MAP3K2: variants seen among roughly 807,000 people sequenced by gnomAD.
MAP3K2 encodes mitogen-activated protein kinase kinase kinase 2.
MAP3K2 carries 24 observed loss-of-function variants against 80.3 expected under a neutral mutation model. The ratio of observed to expected loss-of-function variants is 0.30; its 90% CI spans 0.22 to 0.42. The LOEUF (loss-of-function observed/expected upper bound fraction) is 0.42, where lower values mean the gene tolerates loss of function less well. Among genes scored for constraint, MAP3K2 ranks in the 10% least tolerant of loss-of-function variants. The pLI is 1.00. For synonymous variants in MAP3K2, 244 were observed against 253.7 expected, an observed-to-expected ratio of 0.96 and a Z score of 0.36; for missense variants, 608 against 750.1, an observed-to-expected ratio of 0.81 and a Z score of 2.21.
chr2:127,351,901 G>C (rs1442745997), intron 1 of MAP3K2, among the ~76,000 whole-genome samples: 1 of 151,170 alleles, frequency 6.6e-6, no homozygotes, highest in Non-Finnish European at 1.5e-5. Flanking sequence ...TTTTGAGACA[G>C]GGTCTTGCTT....
chr2:127,341,951 C>T (rs553708473), intron 2 of MAP3K2, among the ~76,000 whole-genome samples: 134 of 152,250 alleles, frequency 8.8e-4, no homozygotes, highest in Non-Finnish European at 1.5e-3. Context: ...ACCTTATATG[C>T]TTATTCATGA....
intron 4 of MAP3K2, 113 bp downstream of exon 4, chr2:127,337,625 C>T (rs1686399322): frequency 1.5e-6 from 1 of 655,924 alleles, no homozygotes; most frequent in Non-Finnish European, 2.6e-6. Flanking sequence ...ACTCTATTCT[C>T]AATTTGTAAA....
intron 1 of MAP3K2, among the ~76,000 whole-genome samples, chr2:127,343,908 T>C (rs1250247275): frequency 6.6e-6 from 1 of 151,940 alleles, no homozygotes; most frequent in Non-Finnish European, 1.5e-5. Flanking sequence ...AGCTCCCAGC[T>C]ACTTGGGAGG....
At chr2:127,311,259 T>C (rs1573976846) in intron 15 of MAP3K2, among the ~76,000 whole-genome samples, 1 of 152,266 alleles carries the variant, frequency 6.6e-6, no homozygotes, top group East Asian at 1.9e-4. Context: ...TACCATCCAG[T>C]ACTTTAAGAA....
At chr2:127,319,466 A>G (rs1393443863) in intron 12 of MAP3K2, among the ~76,000 whole-genome samples, 1 of 151,926 alleles carries the variant, frequency 6.6e-6, no homozygotes, top group Non-Finnish European at 1.5e-5. Context: ...TACTGAGAGC[A>G]TGACAAGGCC....
intron 7 of MAP3K2, among the ~76,000 whole-genome samples, chr2:127,327,404 A>C (rs1686165744): frequency 6.6e-6 from 1 of 152,198 alleles, no homozygotes. Context: ...TACTGTCTAC[A>C]CTTGTCTGTA....
chr2:127,330,522 G>T lies in MAP3K2; in HGVS notation c.265-17C>A. 7.6e-7 allele frequency: 1 copy of T among 1,315,894 alleles called. No homozygotes were observed. Among genetic ancestry groups the T allele is most frequent in the Non-Finnish European group, 1.1e-6 (1 of 919,768 alleles). The allele number at this position is 1,315,894 out of a possible 1,614,324, so 81.5% of individuals were successfully genotyped here. ...AATTACCAACTAAAAACAAACATAA[G>T]GAACCATGCAGCTATCTCACCAGGT... is the stretch of plus-strand genomic sequence containing the variant. On this transcript the variant is annotated splice_polypyrimidine_tract_variant and intron_variant, in intron 5 of 16. Coordinates refer to ENST00000682094, the MANE Select transcript of MAP3K2 (RefSeq NM_001371910.2).
intron 10 of MAP3K2, 88 bp from the exon 11 acceptor site, chr2:127,324,082 T>C: frequency 1.8e-6 from 2 of 1,114,186 alleles, no homozygotes; most frequent in African/African-American, 1.6e-5. Flanking sequence ...TAAATCTTTA[T>C]TTGACTTTTC....
intron 1 of MAP3K2, among the ~76,000 whole-genome samples, chr2:127,375,998 C>T (rs996911920): frequency 6.6e-5 from 10 of 152,142 alleles, no homozygotes; most frequent in South Asian, 2.1e-4. Context: ...GTTACCACCA[C>T]GCCTGACAAA....
At chr2:127,382,773 G>C (rs990228335) in intron 1 of MAP3K2, among the ~76,000 whole-genome samples, 1 of 152,212 alleles carries the variant, frequency 6.6e-6, no homozygotes, top group African/African-American at 2.4e-5. Flanking sequence ...TGATCCGCCT[G>C]CCTTGGCCTC....
rs1687400178 is a variant in MAP3K2 at position 127,387,835 on chromosome 2, GC to G, written c.-450del. The G allele has an allele frequency of 1.0e-6, 1 of 984,892 alleles. No homozygotes were observed. Among genetic ancestry groups the G allele is most frequent in the Admixed American group, 6.2e-5 (1 of 16,218 alleles). 61.0% of individuals were successfully genotyped at this position (984,892 alleles called of 1,614,324 possible). On this transcript the variant is annotated 5_prime_UTR_variant, in exon 1 of 17. Transcript: ENST00000682094. ...GAGTGGCGACTCTGCGGACAGGGGC[GC>G]CGAGCGTCCTGGTCGTTGTTTTCGT...
At chr2:127,316,255 T>C (rs1040987098) in intron 14 of MAP3K2, among the ~76,000 whole-genome samples, 7 of 150,642 alleles carry the variant, frequency 4.6e-5, no homozygotes, top group African/African-American at 1.7e-4. Flanking sequence ...GCACCTGTAA[T>C]CCCAGCTACA....
chr2:127,320,064 T>C (rs952019760), intron 12 of MAP3K2, among the ~76,000 whole-genome samples: 4 of 152,190 alleles, frequency 2.6e-5, no homozygotes, highest in African/African-American at 9.7e-5. Context: ...GCATACATTC[T>C]ATTTACCTCC....
At chr2:127,309,312 T>C (rs1685764324) in intron 15 of MAP3K2, among the ~76,000 whole-genome samples, 1 of 152,204 alleles carries the variant, frequency 6.6e-6, no homozygotes, top group African/African-American at 2.4e-5. Context: ...ATTTTAAATG[T>C]CTCATAGGCA....
intron 8 of MAP3K2, 53 bp downstream of exon 8, chr2:127,326,634 G>T: frequency 7.2e-7 from 1 of 1,398,494 alleles, no homozygotes; most frequent in South Asian, 1.6e-5. Flanking sequence ...AAATCACACT[G>T]ACCCTGACAA....
rs1686016463 is a variant in MAP3K2, at chr2:127,321,346, A to C, written c.1045+700T>G. ...AGACATTTTTCTCTTATTTTTAATC[A>C]CTTCAAAAGATAGCTGTCTAAAGCA... On this transcript the variant is annotated intron_variant, in intron 12 of 16. Transcript: ENST00000682094. This position sits in a 1 kb window ranked among gnomAD's most constrained non-coding sequence, Gnocchi z 4.4. Among the ~76,000 whole-genome samples the C allele has an allele frequency of 6.6e-6, 1 of 152,236 alleles. No homozygotes were observed. The highest frequency in any genetic ancestry group is 1.5e-5 in the Non-Finnish European group (1 of 68,046).
At chr2:127,372,140 G>A (rs980712445) in intron 1 of MAP3K2, among the ~76,000 whole-genome samples, 1 of 152,166 alleles carries the variant, frequency 6.6e-6, no homozygotes, top group African/African-American at 2.4e-5. Flanking sequence ...TTAGTCCTAG[G>A]GCAATCTAGC....
chr2:127,377,363 T>C (rs529681818), intron 1 of MAP3K2, among the ~76,000 whole-genome samples: 2 of 151,586 alleles, frequency 1.3e-5, no homozygotes, highest in African/African-American at 4.8e-5. Context: ...TAAAAGCTAT[T>C]TAGAATAGCA....
chr2:127,387,481 C>A lies in MAP3K2; in HGVS notation c.-95G>T. On this transcript the variant is annotated 5_prime_UTR_variant, in exon 1 of 17. Transcript: ENST00000682094. ...TGCTCCGCAGGGACGTAGAGAGCCG[C>A]AGGCCCAAGGAGGGGCCGCCCCCGC... 1.0e-6 allele frequency: 1 copy of A among 985,496 alleles called. No individual in the cohort carries two copies. The highest frequency in any genetic ancestry group is 1.2e-6 in the Non-Finnish European group (1 of 830,214). The allele number at this position is 985,496 out of a possible 1,614,324, so 61.0% of individuals were successfully genotyped here.
Sources: allele counts gnomAD v4.1 joint callset (sites outside exome capture counted in the v4.1 genomes callset), GRCh38; gene constraint gnomAD v4.1.1; non-coding constraint Gnocchi (gnomAD v3.1); transcripts MANE v1.5; gene names NCBI Gene and HGNC (gene_info 2026-07-23, HGNC 2026-07-21).